SCRG1: variants seen among roughly 807,000 people sequenced by gnomAD.
SCRG1 encodes the protein stimulator of chondrogenesis 1.
A neutral mutation model predicts 7.7 loss-of-function variants in SCRG1; 3 were observed. That is an observed-to-expected ratio of 0.39 (90% CI 0.18 to 1.01). SCRG1 has a LOEUF of 1.01. Among genes scored for constraint, SCRG1 ranks in the 50% least tolerant of loss-of-function variants. The pLI is 0.36. For synonymous variants in SCRG1, 46 were observed against 41.2 expected, an observed-to-expected ratio of 1.12 and a Z score of -0.44; for missense variants, 110 against 117.2, an observed-to-expected ratio of 0.94 and a Z score of 0.28.
chr4:173,384,815 G>C lies in SCRG1; in HGVS notation c.*3526C>G, dbSNP rs1739202474. 1 of 152,138 alleles carries C rather than the reference G, an allele frequency of 6.6e-6. No homozygotes were observed. 9.4% of individuals were successfully genotyped at this position (152,138 alleles called of 1,614,324 possible). A position where few individuals can be genotyped will look rare whatever the true frequency, so the allele number is the denominator to read the frequency against. ...CACAGTAAGAACAATGATATAGAAA[G>C]TCAAAGATAACAATACAGAAATACT... On this transcript the variant is annotated 3_prime_UTR_variant, in exon 3 of 3. Coordinates refer to ENST00000296506, the MANE Select transcript of SCRG1 (RefSeq NM_007281.4).
the SCRG1 span, among the ~76,000 whole-genome samples, chr4:173,454,941 C>T: frequency 2.0e-5 from 3 of 152,264 alleles, no homozygotes; most frequent in Admixed American, 1.3e-4. Flanking sequence ...ATTTCCTTAA[C>T]CTTAACTGGA....
the SCRG1 span, among the ~76,000 whole-genome samples, chr4:173,434,585 C>T: frequency 1.3e-5 from 2 of 152,166 alleles, no homozygotes; most frequent in African/African-American, 4.8e-5. Flanking sequence ...AATCCTAGCA[C>T]TTTGGGAGGC....
At chr4:173,476,361 A>ATATATATATATATATATATAT in the SCRG1 span, among the ~76,000 whole-genome samples, 262 of 51,326 alleles carry the variant, frequency 5.1e-3, 4 homozygotes, top group African/African-American at 0.011. Flanking sequence ...GGGGAAAAAA[A>ATATATATATATATATATATAT]AAATATATAT....
chr4:173,429,524 TG>T, the SCRG1 span, among the ~76,000 whole-genome samples: 1 of 152,186 alleles, frequency 6.6e-6, no homozygotes, highest in Non-Finnish European at 1.5e-5. Flanking sequence ...CTCAAACTCC[TG>T]GCATCAAGTG....
chr4:173,509,342 G>C, the SCRG1 span, among the ~76,000 whole-genome samples: 1 of 152,146 alleles, frequency 6.6e-6, no homozygotes, highest in South Asian at 2.1e-4. This position sits in a 1 kb window ranked among gnomAD's most constrained non-coding sequence, Gnocchi z 5.7. Context: ...CGCGCGCTCT[G>C]AGCCTCCCAC....
At chr4:173,484,329 T>C in the SCRG1 span, among the ~76,000 whole-genome samples, 232 of 52,424 alleles carry the variant, frequency 4.4e-3, 1 homozygote, top group African/African-American at 0.016. Flanking sequence ...TTATACATAA[T>C]ATATTTAACA....
At chr4:173,408,991 C>CAAAAAAAAAAAAAAAAAAAAAAGAAAA (rs1739981293), upstream of SCRG1, among the ~76,000 whole-genome samples, 1 of 51,264 alleles carries the variant, frequency 2.0e-5, no homozygotes, top group Non-Finnish European at 4.5e-5. Flanking sequence ...GACTCAGTCT[C>CAAAAAAAAAAAAAAAAAAAAAAGAAAA]AAAAAAAAAA....
At chr4:173,415,463 C>T in the SCRG1 span, among the ~76,000 whole-genome samples, 1 of 152,204 alleles carries the variant, frequency 6.6e-6, no homozygotes, top group African/African-American at 2.4e-5. Flanking sequence ...CTCAGCATTT[C>T]TTGCAAAAAG....
the SCRG1 span, among the ~76,000 whole-genome samples, chr4:173,484,074 T>A: frequency 0.67 from 61,424 of 91,774 alleles, 20,874 homozygotes; most frequent in Non-Finnish European, 0.75. Flanking sequence ...ATAATATACA[T>A]GATATAATAT....
the SCRG1 span, among the ~76,000 whole-genome samples, chr4:173,452,670 A>AT: frequency 7.2e-5 from 11 of 151,998 alleles, no homozygotes; most frequent in South Asian, 2.1e-4. Flanking sequence ...GCACACATGT[A>AT]TTTTTTTTAA....
At chr4:173,441,437 C>T in the SCRG1 span, among the ~76,000 whole-genome samples, 1 of 152,142 alleles carries the variant, frequency 6.6e-6, no homozygotes, top group Admixed American at 6.5e-5. Context: ...TTCCTGGTGC[C>T]AAAGTCTCTC....
chr4:173,469,621 T>C, the SCRG1 span: 7 of 152,342 alleles, frequency 4.6e-5, no homozygotes, highest in Admixed American at 3.9e-4. Flanking sequence ...TGCTGTTTTC[T>C]TCTAACTGCA....
the SCRG1 span, among the ~76,000 whole-genome samples, chr4:173,416,047 A>T: frequency 6.6e-6 from 1 of 152,204 alleles, no homozygotes; most frequent in South Asian, 2.1e-4. Flanking sequence ...AGTACCTGGG[A>T]GGGCAGGGGC....
chr4:173,423,860 C>T, the SCRG1 span, among the ~76,000 whole-genome samples: 25 of 152,160 alleles, frequency 1.6e-4, no homozygotes, highest in Non-Finnish European at 3.1e-4. Flanking sequence ...GTCTGCTCAG[C>T]CATTGATGAG....
At chr4:173,431,927 T>G in the SCRG1 span, among the ~76,000 whole-genome samples, 1 of 152,206 alleles carries the variant, frequency 6.6e-6, no homozygotes, top group South Asian at 2.1e-4. Flanking sequence ...TTGGTACCTG[T>G]TTTTTGATAA....
the SCRG1 span, among the ~76,000 whole-genome samples, chr4:173,460,895 T>G: frequency 1.3e-5 from 2 of 152,124 alleles, no homozygotes; most frequent in Non-Finnish European, 2.9e-5. Context: ...TTAAGAGACC[T>G]TGGGCCTTAG....
chr4:173,504,558 A>G, the SCRG1 span, among the ~76,000 whole-genome samples: 1 of 152,274 alleles, frequency 6.6e-6, no homozygotes, highest in Non-Finnish European at 1.5e-5. This position sits in a 1 kb window ranked among gnomAD's most constrained non-coding sequence, Gnocchi z 4.7. Flanking sequence ...GGTGTAATGG[A>G]GGCAAGCAGT....
chr4:173,486,826 G>T, the SCRG1 span, among the ~76,000 whole-genome samples: 1 of 152,124 alleles, frequency 6.6e-6, no homozygotes, highest in African/African-American at 2.4e-5. Flanking sequence ...GTCTGGCAGT[G>T]ACCACATCCC....
the SCRG1 span, among the ~76,000 whole-genome samples, chr4:173,449,124 G>A: frequency 6.6e-6 from 1 of 152,206 alleles, no homozygotes; most frequent in Admixed American, 6.5e-5. Context: ...TGTAGGACGT[G>A]TTACTGCTGA....
Sources: gnomAD v4.1 joint callset for allele counts (sites outside exome capture counted in the v4.1 genomes callset) on GRCh38, gnomAD v4.1.1 for gene constraint, Gnocchi (gnomAD v3.1) non-coding constraint, MANE v1.5 for transcripts, NCBI Gene and HGNC (gene_info 2026-07-23, HGNC 2026-07-21) for gene names.